The following TAS2R1 variants were observed in gnomAD, a reference collection of about 807,000 sequenced individuals.
The protein encoded by TAS2R1 is taste receptor type 2 member 1.
For synonymous variants in TAS2R1, 141 were observed against 134.2 expected, an observed-to-expected ratio of 1.05 and a Z score of -0.35; for missense variants, 370 against 353.4, an observed-to-expected ratio of 1.05 and a Z score of -0.38.
chr5:9,633,293 A>ATATATATATATATATAT (rs1561364890), upstream of TAS2R1, among the ~76,000 whole-genome samples: 1 of 62,558 alleles, frequency 1.6e-5, no homozygotes, highest in East Asian at 8.3e-4. Context: ...GTGTGTGTAT[A>ATATATATATATATATAT]TTATATATAT....
At chr5:9,761,710 G>A in the TAS2R1 span, among the ~76,000 whole-genome samples, 1 of 152,206 alleles carries the variant, frequency 6.6e-6, no homozygotes, top group Non-Finnish European at 1.5e-5. Flanking sequence ...CTCTGCCGAT[G>A]TGTGAGTGCA....
chr5:9,822,354 T>C, the TAS2R1 span, among the ~76,000 whole-genome samples: 1 of 147,826 alleles, frequency 6.8e-6, no homozygotes, highest in Non-Finnish European at 1.5e-5. Context: ...AATTTTTTTT[T>C]TTTTTTTTTT....
the TAS2R1 span, among the ~76,000 whole-genome samples, chr5:9,802,927 GA>G: frequency 6.6e-6 from 1 of 152,014 alleles, no homozygotes; most frequent in Non-Finnish European, 1.5e-5. Context: ...AAAGAATTAA[GA>G]AGGTCAATCA....
chr5:9,725,482 T>C, the TAS2R1 span, among the ~76,000 whole-genome samples: 1 of 152,126 alleles, frequency 6.6e-6, no homozygotes, highest in South Asian at 2.1e-4. Context: ...GTGAAGGGTG[T>C]ACTGGGTCCC....
chr5:9,702,968 T>C (rs147411804), intron 1 of TAS2R1, among the ~76,000 whole-genome samples: 2 of 152,210 alleles, frequency 1.3e-5, no homozygotes, highest in Non-Finnish European at 2.9e-5. Flanking sequence ...AAAGTATTAA[T>C]AGGAATATCC....
At chr5:9,828,421 C>G in the TAS2R1 span, among the ~76,000 whole-genome samples, 1 of 152,174 alleles carries the variant, frequency 6.6e-6, no homozygotes, top group Non-Finnish European at 1.5e-5. Context: ...TCACCACACC[C>G]AGCCTAGGTC....
chr5:9,664,470 T>G (rs370664696), intron 1 of TAS2R1, among the ~76,000 whole-genome samples: 2 of 152,154 alleles, frequency 1.3e-5, no homozygotes, highest in Admixed American at 1.3e-4. Context: ...TATATGAACA[T>G]GTAAGCTATA....
chr5:9,669,397 T>C (rs1422855926), intron 1 of TAS2R1, among the ~76,000 whole-genome samples: 1 of 152,106 alleles, frequency 6.6e-6, no homozygotes, highest in South Asian at 2.1e-4. Context: ...GATCTCAACA[T>C]TTGACCAAAT....
the TAS2R1 span, among the ~76,000 whole-genome samples, chr5:9,736,497 T>C: frequency 6.6e-6 from 1 of 152,164 alleles, no homozygotes; most frequent in South Asian, 2.1e-4. Context: ...GTAGATGACA[T>C]TTCAGTTTCA....
At chr5:9,739,234 C>A in the TAS2R1 span, among the ~76,000 whole-genome samples, 1 of 152,158 alleles carries the variant, frequency 6.6e-6, no homozygotes, top group East Asian at 1.9e-4. Context: ...CCTTTTGGAG[C>A]TTTTCCTGGT....
At chr5:9,693,348 T>A (rs1741287791) in intron 1 of TAS2R1, among the ~76,000 whole-genome samples, 1 of 151,704 alleles carries the variant, frequency 6.6e-6, no homozygotes, top group African/African-American at 2.4e-5. Context: ...AATACAAAAT[T>A]TTTAGTTCTC....
the TAS2R1 span, among the ~76,000 whole-genome samples, chr5:9,741,657 T>C: frequency 0.023 from 3,530 of 152,226 alleles, 140 homozygotes; most frequent in African/African-American, 0.08. Flanking sequence ...GGGTTCTCAC[T>C]TGTTCCCACC....
At position 9,708,598 on chromosome 5, in the gene TAS2R1, C is replaced by CT. The variant is rs57057857; in HGVS notation, c.-242+3573dup. ...ATCACAAAACAGAAACAAATGGTCT[C>CT]TTTTTTTTTTTCTTTTCAGTCCTCA... On this transcript the variant is annotated intron_variant, in intron 1 of 2. Coordinates refer to the TAS2R1 transcript ENST00000506620. Among the ~76,000 whole-genome samples the CT allele has an allele frequency of 4.0e-3, 588 of 147,780 alleles. 3 individuals are homozygous for CT. Among genetic ancestry groups the CT allele is most frequent in the Middle Eastern group, 6.9e-3 (2 of 290 alleles).
intron 1 of TAS2R1, among the ~76,000 whole-genome samples, chr5:9,679,429 A>G (rs1740952199): frequency 6.6e-6 from 1 of 152,174 alleles, no homozygotes; most frequent in Admixed American, 6.5e-5. Flanking sequence ...CTGTACTATG[A>G]ATGTATTAAC....
the TAS2R1 span, among the ~76,000 whole-genome samples, chr5:9,764,854 T>C: frequency 6.6e-6 from 1 of 152,112 alleles, no homozygotes; most frequent in Non-Finnish European, 1.5e-5. Context: ...TAAAACCAAA[T>C]GAGGAAACTA....
chr5:9,666,711 G>C (rs1343479615), intron 1 of TAS2R1, among the ~76,000 whole-genome samples: 1 of 151,788 alleles, frequency 6.6e-6, no homozygotes. Context: ...AAAGAAAGAA[G>C]AAAACAGAAA....
the TAS2R1 span, among the ~76,000 whole-genome samples, chr5:9,845,068 T>G: frequency 6.6e-6 from 1 of 152,208 alleles, no homozygotes; most frequent in Non-Finnish European, 1.5e-5. Flanking sequence ...ATTCCTACAT[T>G]GAAGCCCTAA....
At chr5:9,748,302 G>A in the TAS2R1 span, among the ~76,000 whole-genome samples, 11 of 152,050 alleles carry the variant, frequency 7.2e-5, no homozygotes, top group Non-Finnish European at 1.2e-4. Flanking sequence ...GCACAATCGC[G>A]GCTCACTGCA....
chr5:9,896,162 C>T, the TAS2R1 span, among the ~76,000 whole-genome samples: 4 of 152,190 alleles, frequency 2.6e-5, no homozygotes, highest in Admixed American at 1.3e-4. Context: ...GGTCTAGCCA[C>T]CAAGGTGAGA....
Sources: allele counts gnomAD v4.1 joint callset (sites outside exome capture counted in the v4.1 genomes callset), GRCh38; gene constraint gnomAD v4.1.1; transcripts MANE v1.5; gene names NCBI Gene and HGNC (gene_info 2026-07-23, HGNC 2026-07-21).